Variants in LRFN2 observed in about 807,000 individuals in gnomAD.
LRFN2 encodes leucine-rich repeat and fibronectin type-III domain-containing protein 2.
LRFN2 carries 18 observed loss-of-function variants against 37.3 expected under a neutral mutation model. The observed-to-expected ratio is 0.48, with a 90% confidence interval of 0.33 to 0.72. The LOEUF (loss-of-function observed/expected upper bound fraction) is 0.72, where lower values mean the gene tolerates loss of function less well. LRFN2 is among the 30% of genes least tolerant of loss of function. The pLI is 0.02. For synonymous variants in LRFN2, 556 were observed against 466.6 expected, an observed-to-expected ratio of 1.19 and a Z score of -2.47; for missense variants, 1,006 against 1,060.7, an observed-to-expected ratio of 0.95 and a Z score of 0.72.
chr6:40,527,263 T>G (rs1044427266), intron 1 of LRFN2, among the ~76,000 whole-genome samples: 2 of 152,174 alleles, frequency 1.3e-5, no homozygotes, highest in African/African-American at 4.8e-5. Flanking sequence ...TCTCTAACAA[T>G]GCATTCCAGG....
At chr6:40,476,738 G>A (rs1013581882) in intron 1 of LRFN2, among the ~76,000 whole-genome samples, 2 of 152,210 alleles carry the variant, frequency 1.3e-5, no homozygotes, top group African/African-American at 2.4e-5. Flanking sequence ...TCCTCTCATC[G>A]TCACTTTACT....
At position 40,432,609 on chromosome 6, in the gene LRFN2, C is replaced by T. The variant is rs762606202; in HGVS notation, c.505G>A (p.Val169Met). ...TGGTGGAGGTTGACCATGCGTCGCA[C>T]GGAGTCCCACGGCAGGCCATGGAGG... ...NNLHGLPWDS[V>M]RRMVNLHQLS... Residue 169 changes from valine (V) to methionine (M), a missense_variant, in exon 2 of 3, where the codon GTG (valine) becomes ATG (methionine). By Grantham distance (21) the Val-to-Met change is conservative. Around this residue, in one of 4 missense-constraint regions of LRFN2, gnomAD observed 185 missense variants for 254.9 expected, o/e 0.73. Transcript: ENST00000338305. The T allele has an allele frequency of 8.1e-6, 13 of 1,614,064 alleles. No individual in the cohort carries two copies. The highest frequency in any genetic ancestry group is 1.1e-5 in the South Asian group (1 of 91,086).
chr6:40,429,914 G>A (rs1482363707), intron 2 of LRFN2, among the ~76,000 whole-genome samples: 1 of 152,088 alleles, frequency 6.6e-6, no homozygotes, highest in Non-Finnish European at 1.5e-5. Context: ...AATATACACT[G>A]GATTGATTAT....
intron 1 of LRFN2, among the ~76,000 whole-genome samples, chr6:40,533,535 TCTC>T (rs1469370925): frequency 1.3e-5 from 2 of 151,746 alleles, no homozygotes; most frequent in Non-Finnish European, 2.9e-5. Flanking sequence ...AAAAAAAAGC[TCTC>T]CTCCTACCTC....
At chr6:40,498,774 C>T (rs1310142341) in intron 1 of LRFN2, among the ~76,000 whole-genome samples, 1 of 152,212 alleles carries the variant, frequency 6.6e-6, no homozygotes, top group African/African-American at 2.4e-5. Context: ...TCTGGGGCAC[C>T]ATCCACGGAG....
At chr6:40,530,785 G>T (rs959961200) in intron 1 of LRFN2, among the ~76,000 whole-genome samples, 16 of 152,012 alleles carry the variant, frequency 1.1e-4, no homozygotes, top group African/African-American at 3.9e-4. Flanking sequence ...TCACTTCGGA[G>T]TGCCAAGTTC....
chr6:40,418,852 A>G (rs1561845926), intron 2 of LRFN2, among the ~76,000 whole-genome samples: 1 of 152,222 alleles, frequency 6.6e-6, no homozygotes, highest in Admixed American at 6.5e-5. Flanking sequence ...GCTCAGAAAC[A>G]TAGCTACTTT....
At chr6:40,500,435 A>G (rs759766202) in intron 1 of LRFN2, among the ~76,000 whole-genome samples, 1 of 152,200 alleles carries the variant, frequency 6.6e-6, no homozygotes, top group Non-Finnish European at 1.5e-5. Flanking sequence ...AGCTTGCATC[A>G]CTGCAAGTCT....
intron 2 of LRFN2, among the ~76,000 whole-genome samples, chr6:40,414,022 G>C (rs997924857): frequency 6.6e-6 from 1 of 152,160 alleles, no homozygotes. Flanking sequence ...CAAGACGCTC[G>C]TCTCACCCCC....
intron 1 of LRFN2, among the ~76,000 whole-genome samples, chr6:40,472,997 T>C (rs957550526): frequency 2.0e-5 from 3 of 152,054 alleles, no homozygotes; most frequent in Admixed American, 6.5e-5. Context: ...ATGGGTCTCA[T>C]TGGGCGAGAT....
intron 1 of LRFN2, among the ~76,000 whole-genome samples, chr6:40,491,018 G>T (rs954041041): frequency 6.6e-6 from 1 of 152,214 alleles, no homozygotes; most frequent in South Asian, 2.1e-4. Flanking sequence ...CCATAGAGGG[G>T]TGAGGGGGAG....
chr6:40,494,280 T>A (rs1765168873), intron 1 of LRFN2, among the ~76,000 whole-genome samples: 1 of 152,104 alleles, frequency 6.6e-6, no homozygotes, highest in African/African-American at 2.4e-5. Context: ...TCAGCACTTC[T>A]CTCCTCACTG....
At chr6:40,523,453 C>T (rs973592031) in intron 1 of LRFN2, among the ~76,000 whole-genome samples, 11 of 148,828 alleles carry the variant, frequency 7.4e-5, no homozygotes, top group African/African-American at 2.7e-4. Flanking sequence ...AGCCAACTCT[C>T]TTTTGTTTGG....
chr6:40,415,720 G>C (rs937666767), intron 2 of LRFN2, among the ~76,000 whole-genome samples: 1 of 152,218 alleles, frequency 6.6e-6, no homozygotes, highest in Non-Finnish European at 1.5e-5. Context: ...AGTTGCAGGA[G>C]GGCAGAAATG....
chr6:40,443,173 A>G (rs551834478), intron 1 of LRFN2, among the ~76,000 whole-genome samples: 2 of 152,286 alleles, frequency 1.3e-5, no homozygotes, highest in South Asian at 2.1e-4. Context: ...GGTTTGGTCT[A>G]TCCTTGGCTT....
At chr6:40,403,516 C>G (rs1295689638) in intron 2 of LRFN2, among the ~76,000 whole-genome samples, 1 of 152,210 alleles carries the variant, frequency 6.6e-6, no homozygotes, top group African/African-American at 2.4e-5. Context: ...TGAGGCACCC[C>G]TGCCTTACTG....
At chr6:40,521,950 A>T (rs900286087) in intron 1 of LRFN2, among the ~76,000 whole-genome samples, 2 of 152,140 alleles carry the variant, frequency 1.3e-5, no homozygotes, top group African/African-American at 4.8e-5. Flanking sequence ...TTGGATTTTC[A>T]TTGGTGGAAT....
At chr6:40,494,373 C>T (rs1383148456) in intron 1 of LRFN2, among the ~76,000 whole-genome samples, 2 of 152,178 alleles carry the variant, frequency 1.3e-5, no homozygotes, top group African/African-American at 2.4e-5. Flanking sequence ...TCCCCACCCC[C>T]GTTTCCAAAA....
intron 1 of LRFN2, among the ~76,000 whole-genome samples, chr6:40,503,421 C>G (rs1177480106): frequency 6.6e-6 from 1 of 152,144 alleles, no homozygotes; most frequent in Non-Finnish European, 1.5e-5. Flanking sequence ...TAGCTGCTCA[C>G]TGGTGCAGCC....
Sources: allele counts gnomAD v4.1 joint callset (sites outside exome capture counted in the v4.1 genomes callset), GRCh38; gene constraint gnomAD v4.1.1; regional missense constraint gnomAD v4.1.1; transcripts MANE v1.5; gene names NCBI Gene and HGNC (gene_info 2026-07-23, HGNC 2026-07-21).